SLC20A2: variants seen among roughly 807,000 people sequenced by gnomAD.
SLC20A2 encodes sodium-dependent phosphate transporter 2.
Under a neutral mutation model 61.0 loss-of-function variants are expected in SLC20A2, and 30 were observed. The observed-to-expected ratio is 0.49, with a 90% CI of 0.37 to 0.67. The LOEUF (loss-of-function observed/expected upper bound fraction) is 0.67. SLC20A2 is among the 30% of genes least tolerant of loss of function. The probability of loss-of-function intolerance (pLI) is 0.00; values close to 1 mark genes in which losing one functional copy is unlikely to be tolerated. For missense variants in SLC20A2, 626 were observed against 866.4 expected (o/e 0.72, Z 3.48); for synonymous variants, 351 against 353.3 (o/e 0.99, Z 0.07).
chr8:42,532,853 C>A (rs765702904), intron 1 of SLC20A2, among the ~76,000 whole-genome samples: 1 of 152,014 alleles, frequency 6.6e-6, no homozygotes, highest in Non-Finnish European at 1.5e-5. Flanking sequence ...GGTGCGCAGG[C>A]GGGAGGGCTA....
At chr8:42,495,803 G>A (rs1345288776) in intron 1 of SLC20A2, among the ~76,000 whole-genome samples, 1 of 151,044 alleles carries the variant, frequency 6.6e-6, no homozygotes, top group Admixed American at 6.6e-5. Flanking sequence ...AGGCTGGAGT[G>A]CAGTGGTGTG....
chr8:42,531,071 T>C (rs1812288358), intron 1 of SLC20A2, among the ~76,000 whole-genome samples: 1 of 152,126 alleles, frequency 6.6e-6, no homozygotes, highest in Non-Finnish European at 1.5e-5. Context: ...ACACATATAT[T>C]TTAGCATCTG....
Position 42,522,397 on chromosome 8 carries a change from C to G in SLC20A2, c.-265+19424G>C, listed in dbSNP as rs1434364872. 2.5e-5 allele frequency among the ~76,000 whole-genome samples: 3 copies of G among 121,944 alleles called. 1 individual carries two copies. The highest frequency in any genetic ancestry group is 7.6e-5 in the African/African-American group (3 of 39,642). The allele number at this position is 121,944 out of a possible 152,430, so 80.0% of individuals were successfully genotyped here. A position where few individuals can be genotyped will look rare whatever the true frequency, so the allele number is the denominator to read the frequency against. On this transcript the variant is annotated intron_variant, in intron 1 of 10. Transcript: ENST00000342228. ...CAAAAAGGGTTAAGAAAAAGCACTA[C>G]TGGCCAGGCATGGTGGCTCACGCCT...
At chr8:42,467,676 G>T (rs1807285623) in intron 2 of SLC20A2, among the ~76,000 whole-genome samples, 1 of 152,144 alleles carries the variant, frequency 6.6e-6, no homozygotes, top group South Asian at 2.1e-4. Flanking sequence ...TTGAGCTGAG[G>T]CTGGCTGTGA....
rs576502238 is a variant in SLC20A2, at chr8:42,499,011, A to C, written c.-265+2020T>G. On this transcript the variant is annotated intron_variant, in intron 1 of 10. Transcript: ENST00000520262. The stretch of plus-strand genomic sequence containing the variant: ...ACAGTGAAATAAATCTGCAACCGGC[A>C]GCGATTCTGTCAGAGCCTCTGGGTC... Among the ~76,000 whole-genome samples the C allele has an allele frequency of 4.6e-5, 7 of 152,324 alleles. No homozygotes were observed. In the South Asian group the frequency reaches 1.5e-3, roughly 32 times the overall value.
At chr8:42,517,616 C>G (rs1297174860) in intron 1 of SLC20A2, among the ~76,000 whole-genome samples, 1 of 152,136 alleles carries the variant, frequency 6.6e-6, no homozygotes, top group Non-Finnish European at 1.5e-5. Context: ...ATGAAGCCCA[C>G]CATGGTCCTT....
intron 2 of SLC20A2, among the ~76,000 whole-genome samples, chr8:42,471,695 G>A (rs1376164458): frequency 1.3e-5 from 2 of 152,070 alleles, no homozygotes; most frequent in East Asian, 3.9e-4. Flanking sequence ...CCTCCTAATT[G>A]ATGAAAAACC....
At chr8:42,479,643 T>C (rs1355496105) in intron 1 of SLC20A2, among the ~76,000 whole-genome samples, 1 of 152,022 alleles carries the variant, frequency 6.6e-6, no homozygotes, top group African/African-American at 2.4e-5. Flanking sequence ...CTGGCCAACA[T>C]AGCAAAACCC....
At chr8:42,454,280 G>C (rs1254882417) in intron 5 of SLC20A2, among the ~76,000 whole-genome samples, 1 of 152,182 alleles carries the variant, frequency 6.6e-6, no homozygotes, top group Non-Finnish European at 1.5e-5. Flanking sequence ...GAGATTACAG[G>C]CGTGAGCCAC....
chr8:42,477,256 G>T (rs1443610451), intron 1 of SLC20A2, among the ~76,000 whole-genome samples: 1 of 152,074 alleles, frequency 6.6e-6, no homozygotes, highest in Non-Finnish European at 1.5e-5. Context: ...TGTAATTACT[G>T]GCATCGCTGT....
intron 1 of SLC20A2, among the ~76,000 whole-genome samples, chr8:42,529,170 T>C (rs906663887): frequency 6.6e-6 from 1 of 152,064 alleles, no homozygotes; most frequent in Non-Finnish European, 1.5e-5. Flanking sequence ...AGTCTTGCTA[T>C]GTTAACTAGG....
intron 1 of SLC20A2, among the ~76,000 whole-genome samples, chr8:42,510,887 A>T (rs35260116): frequency 0.079 from 12,042 of 151,486 alleles, 493 homozygotes; most frequent in Middle Eastern, 0.16. Flanking sequence ...TGGATTTTTT[A>T]AAAAAAAGAA....
At chr8:42,494,916 G>C (rs1211728150) in intron 1 of SLC20A2, among the ~76,000 whole-genome samples, 1 of 151,832 alleles carries the variant, frequency 6.6e-6, no homozygotes, top group East Asian at 1.9e-4. Context: ...GTGCGATCTC[G>C]GCTCCCTGCA....
chr8:42,428,716 C>T (rs1267028326), intron 10 of SLC20A2, 42 bp downstream of exon 10: 1 of 1,571,094 alleles, frequency 6.4e-7, no homozygotes, highest in Non-Finnish European at 8.7e-7. Flanking sequence ...CTGGACCTGT[C>T]CCAGCGGCCT....
chr8:42,431,189 C>T (rs1227132587), intron 8 of SLC20A2, among the ~76,000 whole-genome samples: 1 of 152,206 alleles, frequency 6.6e-6, no homozygotes, highest in Non-Finnish European at 1.5e-5. Flanking sequence ...TAGCCAAGCT[C>T]TGAATGCAAA....
intron 1 of SLC20A2, among the ~76,000 whole-genome samples, chr8:42,511,257 A>G (rs1479526763): frequency 6.6e-6 from 1 of 152,238 alleles, no homozygotes; most frequent in Non-Finnish European, 1.5e-5. Context: ...AGACGTGGAA[A>G]TCAAGAATAT....
chr8:42,536,179 T>C (rs543613290), intron 1 of SLC20A2, among the ~76,000 whole-genome samples: 2 of 152,342 alleles, frequency 1.3e-5, no homozygotes, highest in African/African-American at 4.8e-5. Context: ...TCAATATTCA[T>C]TATTACAAGT....
At chr8:42,492,422 C>T (rs1809588096) in intron 1 of SLC20A2, among the ~76,000 whole-genome samples, 1 of 152,188 alleles carries the variant, frequency 6.6e-6, no homozygotes, top group Non-Finnish European at 1.5e-5. Context: ...GGAAGTAATA[C>T]TGCAGAGAGG....
intron 1 of SLC20A2, chr8:42,534,752 C>T (rs1812599811): frequency 6.6e-6 from 1 of 152,290 alleles, no homozygotes; most frequent in Admixed American, 6.5e-5. Context: ...AGAAGCAGCA[C>T]ATCACTATGA....
Sources: gnomAD v4.1 joint callset for allele counts (sites outside exome capture counted in the v4.1 genomes callset) on GRCh38, gnomAD v4.1.1 for gene constraint, MANE v1.5 for transcripts, NCBI Gene and HGNC (gene_info 2026-07-23, HGNC 2026-07-21) for gene names.